The following CCDC102B variants were observed in gnomAD, a reference collection of about 807,000 sequenced individuals.
The protein encoded by CCDC102B is coiled-coil domain-containing protein 102B.
In CCDC102B, 75 loss-of-function variants were observed where a neutral mutation model predicts 57.4. The observed-to-expected ratio is 1.31, with a 90% confidence interval of 1.08 to 1.58. The LOEUF is 1.58. Ranked by LOEUF, CCDC102B falls within the 40% of genes most tolerant of loss-of-function variation. The pLI is 0.00. For synonymous variants in CCDC102B, 206 were observed against 201.9 expected, an observed-to-expected ratio of 1.02 and a Z score of -0.17; for missense variants, 636 against 582.6, an observed-to-expected ratio of 1.09 and a Z score of -0.94.
intron 7 of CCDC102B, among the ~76,000 whole-genome samples, chr18:69,050,163 GCA>G (rs2052669544): frequency 7.2e-6 from 1 of 138,100 alleles, no homozygotes; most frequent in Non-Finnish European, 1.5e-5. Flanking sequence ...TGTTGAAGGA[GCA>G]AATTACAGAC....
intron 2 of CCDC102B, among the ~76,000 whole-genome samples, chr18:68,792,653 A>C (rs1026233018): frequency 2.0e-5 from 3 of 152,190 alleles, no homozygotes; most frequent in African/African-American, 7.2e-5. Flanking sequence ...TACAGGTTAC[A>C]TCTTTTTTAC....
chr18:68,842,644 T>G (rs1360723041), intron 3 of CCDC102B, among the ~76,000 whole-genome samples: 1 of 152,050 alleles, frequency 6.6e-6, no homozygotes, highest in Non-Finnish European at 1.5e-5. Context: ...AAAGACAACT[T>G]GTTTCCAGAG....
At chr18:68,885,643 A>G (rs1480552127) in intron 5 of CCDC102B, among the ~76,000 whole-genome samples, 1 of 152,074 alleles carries the variant, frequency 6.6e-6, no homozygotes, top group African/African-American at 2.4e-5. Flanking sequence ...AATTGTACAC[A>G]TACTCAATTT....
intron 2 of CCDC102B, among the ~76,000 whole-genome samples, chr18:68,729,197 A>T (rs936136394): frequency 2.6e-5 from 4 of 152,248 alleles, no homozygotes; most frequent in African/African-American, 9.6e-5. Context: ...TTTTAAAGAA[A>T]TTAAACAAGA....
upstream of CCDC102B, among the ~76,000 whole-genome samples, chr18:68,795,756 C>T (rs1277660757): frequency 6.6e-6 from 1 of 152,144 alleles, no homozygotes; most frequent in Admixed American, 6.6e-5. Context: ...TAATCATCTT[C>T]ATAGGTACAG....
intron 4 of CCDC102B, among the ~76,000 whole-genome samples, chr18:68,872,332 A>T (rs918596123): frequency 6.6e-6 from 1 of 152,134 alleles, no homozygotes; most frequent in South Asian, 2.1e-4. Flanking sequence ...GAACTGTCCA[A>T]TGGAGTAGAT....
At chr18:69,025,149 A>G (rs1304897241) in intron 7 of CCDC102B, among the ~76,000 whole-genome samples, 2 of 152,288 alleles carry the variant, frequency 1.3e-5, no homozygotes, top group East Asian at 1.9e-4. Context: ...AAAAAATTCT[A>G]ATCGTGTGAA....
At chr18:68,863,310 A>G (rs911208909) in intron 4 of CCDC102B, among the ~76,000 whole-genome samples, 1 of 151,740 alleles carries the variant, frequency 6.6e-6, no homozygotes, top group African/African-American at 2.4e-5. Context: ...TTGCTATTTT[A>G]CTCTATCCTC....
intron 6 of CCDC102B, among the ~76,000 whole-genome samples, chr18:68,917,444 A>C (rs764330164): frequency 6.6e-6 from 1 of 152,188 alleles, no homozygotes; most frequent in Non-Finnish European, 1.5e-5. Flanking sequence ...TCTGAAATTA[A>C]GCTGCTAACT....
intron 2 of CCDC102B, among the ~76,000 whole-genome samples, chr18:68,787,592 C>T (rs1314782528): frequency 2.6e-4 from 40 of 151,570 alleles, no homozygotes; most frequent in African/African-American, 9.0e-4. Context: ...TCCATTTCTT[C>T]TAGATTTTCT....
intron 7 of CCDC102B, among the ~76,000 whole-genome samples, chr18:69,037,561 G>C (rs2145462112): frequency 6.6e-6 from 1 of 152,062 alleles, no homozygotes; most frequent in East Asian, 1.9e-4. Flanking sequence ...GCCCCACCTA[G>C]ACTCACTGAG....
intron 5 of CCDC102B, among the ~76,000 whole-genome samples, chr18:68,876,936 A>G (rs1291217755): frequency 6.6e-6 from 1 of 152,250 alleles, no homozygotes; most frequent in African/African-American, 2.4e-5. Context: ...TTCTGCATTT[A>G]TAGAAATCTG....
intron 7 of CCDC102B, among the ~76,000 whole-genome samples, chr18:69,042,905 G>A (rs1192291298): frequency 2.0e-5 from 3 of 152,134 alleles, no homozygotes; most frequent in South Asian, 4.1e-4. Flanking sequence ...AAGGTGGAAC[G>A]AGAGACTTGG....
chr18:68,932,865 T>C (rs986630667), intron 6 of CCDC102B, among the ~76,000 whole-genome samples: 1 of 151,754 alleles, frequency 6.6e-6, no homozygotes, highest in Admixed American at 6.6e-5. Flanking sequence ...AAGGCTTCTC[T>C]CTTTCTAAAT....
intron 2 of CCDC102B, among the ~76,000 whole-genome samples, chr18:68,725,055 G>C (rs1309250641): frequency 6.6e-6 from 1 of 152,198 alleles, no homozygotes; most frequent in East Asian, 1.9e-4. Flanking sequence ...GCAGGAGAGA[G>C]AAGCGGTGCC....
intron 6 of CCDC102B, among the ~76,000 whole-genome samples, chr18:68,906,219 A>G (rs2145053090): frequency 6.6e-6 from 1 of 152,236 alleles, no homozygotes; most frequent in South Asian, 2.1e-4. Flanking sequence ...GTTCATTTCT[A>G]CATCTGCTGG....
chr18:68,948,513 A>G (rs2049602631), intron 6 of CCDC102B, among the ~76,000 whole-genome samples: 1 of 152,128 alleles, frequency 6.6e-6, no homozygotes, highest in Non-Finnish European at 1.5e-5. Flanking sequence ...TCAATGAAAC[A>G]TTGAAGATGG....
At chr18:68,972,099 A>G (rs2145262541) in intron 6 of CCDC102B, among the ~76,000 whole-genome samples, 1 of 152,328 alleles carries the variant, frequency 6.6e-6, no homozygotes, top group Non-Finnish European at 1.5e-5. Flanking sequence ...GCTGGAACAT[A>G]GACATTTACA....
chr18:68,911,897 T>TA (rs34466275), intron 6 of CCDC102B, among the ~76,000 whole-genome samples: 67,065 of 149,444 alleles, frequency 0.45, 15,139 homozygotes, highest in South Asian at 0.49. Context: ...AACAAAAAAG[T>TA]AAAAAAAAAG....
Sources: allele counts gnomAD v4.1 joint callset (sites outside exome capture counted in the v4.1 genomes callset), GRCh38; gene constraint gnomAD v4.1.1; transcripts MANE v1.5; gene names NCBI Gene and HGNC (gene_info 2026-07-23, HGNC 2026-07-21).